The following HNRNPM variants were observed in gnomAD, a reference collection of about 807,000 sequenced individuals.
HNRNPM encodes heterogeneous nuclear ribonucleoprotein M.
Under a neutral mutation model 73.1 loss-of-function variants are expected in HNRNPM, and 11 were observed. The observed-to-expected ratio is 0.15, with a 90% confidence interval of 0.09 to 0.25. The LOEUF (loss-of-function observed/expected upper bound fraction) is 0.25. Among genes scored for constraint, HNRNPM ranks in the 10% least tolerant of loss-of-function variants. HNRNPM has a pLI of 1.00. For missense variants in HNRNPM, 789 were observed against 1,067.9 expected (o/e 0.74, Z 3.64); for synonymous variants, 407 against 355.2 (o/e 1.15, Z -1.64).
In HNRNPM at chr19:8,482,992, C is replaced by T; in HGVS notation, c.1121-166C>T. On this transcript the variant is annotated intron_variant, in intron 12 of 15. Coordinates refer to ENST00000325495, the MANE Select transcript of HNRNPM (RefSeq NM_005968.5). ...TCGTGACCCAGCATCAAGGACTCTC[C>T]TAGTTCTCTGTAAAATGATCTTGTC... 3 of 596,908 alleles carry T rather than the reference C, an allele frequency of 5.0e-6. 1 individual carries two copies. Among genetic ancestry groups the T allele is most frequent in the South Asian group, 4.2e-5 (2 of 47,272 alleles). 37.0% of individuals were successfully genotyped at this position (596,908 alleles called of 1,614,324 possible).
intron 6 of HNRNPM, 144 bp from the exon 7 acceptor site, chr19:8,466,091 A>C: frequency 1.3e-6 from 1 of 741,976 alleles, no homozygotes; most frequent in East Asian, 2.6e-5. Context: ...CCTATTTTAA[A>C]ATTTCCATTG....
chr19:8,479,108 CAG>C (rs1301899385), intron 12 of HNRNPM, among the ~76,000 whole-genome samples: 2 of 91,588 alleles, frequency 2.2e-5, no homozygotes, highest in African/African-American at 8.1e-5. Flanking sequence ...TTTTTCAAGA[CAG>C]AGTCTCGCTT....
rs113119250 is a variant in HNRNPM at position 8,444,986 on chromosome 19, A to G, written c.-13A>G. On this transcript the variant is annotated 5_prime_UTR_variant, in exon 1 of 16. Transcript: ENST00000325495. ...CAGCCCGTTCGCTCACACAAAGCCC[A>G]GACGCGGAGAAAATGGCGGCAGGGG... is the stretch of plus-strand genomic sequence containing the variant. 2.3e-3 allele frequency: 3,242 copies of G among 1,402,240 alleles called. 5 individuals are homozygous for G. Among genetic ancestry groups the G allele is most frequent in the Non-Finnish European group, 2.8e-3 (3,053 of 1,078,212 alleles). The allele number at this position is 1,402,240 out of a possible 1,614,324, so 86.9% of individuals were successfully genotyped here. A position where few individuals can be genotyped will look rare whatever the true frequency, so the allele number is the denominator to read the frequency against.
At chr19:8,476,108 C>T (rs1332953126) in intron 12 of HNRNPM, among the ~76,000 whole-genome samples, 5 of 151,912 alleles carry the variant, frequency 3.3e-5, no homozygotes, top group Non-Finnish European at 7.4e-5. Context: ...CTGGGGTACG[C>T]GGTGGCAAAG....
At chr19:8,456,324 CCTT>C (rs990749598) in intron 2 of HNRNPM, among the ~76,000 whole-genome samples, 4 of 152,306 alleles carry the variant, frequency 2.6e-5, no homozygotes, top group South Asian at 2.1e-4. Flanking sequence ...CTCTCTCTCT[CCTT>C]CTTCCCTCCT....
chr19:8,474,150 G>A lies in HNRNPM; in HGVS notation c.1043-17G>A, dbSNP rs1430628737. The A allele has an allele frequency of 1.3e-6, 2 of 1,568,212 alleles. No individual in the cohort carries two copies. Among genetic ancestry groups the A allele is most frequent in the Non-Finnish European group, 8.6e-7 (1 of 1,158,696 alleles). ...CAGTCTTGTTGGATGATGCTGAAAT[G>A]TGAACCTCTCTTGCAGGAATGGAGG... is the stretch of plus-strand genomic sequence containing the variant. On this transcript the variant is annotated splice_polypyrimidine_tract_variant and intron_variant, in intron 11 of 15. Coordinates refer to ENST00000325495, the MANE Select transcript of HNRNPM (RefSeq NM_005968.5).
At chr19:8,465,590 G>C in intron 6 of HNRNPM, 75 bp downstream of exon 6, 3 of 963,908 alleles carry the variant, frequency 3.1e-6, no homozygotes, top group Non-Finnish European at 4.6e-6. Flanking sequence ...TGTTATAAAA[G>C]TAATTCTCAC....
intron 8 of HNRNPM, among the ~76,000 whole-genome samples, chr19:8,468,222 G>A (rs1405415985): frequency 6.6e-6 from 1 of 152,120 alleles, no homozygotes; most frequent in African/African-American, 2.4e-5. Flanking sequence ...ACAGTATAAT[G>A]TTTGGTTAGC....
intron 15 of HNRNPM, chr19:8,487,357 TC>T (rs1971387188): frequency 5.0e-6 from 2 of 400,988 alleles, no homozygotes; most frequent in Non-Finnish European, 9.3e-6. Flanking sequence ...GGCAGAGTCT[TC>T]CTTCTGAGGT....
In HNRNPM at chr19:8,485,758, A is replaced by G. The variant is rs765182577; in HGVS notation, c.1330A>G (p.Met444Val). Residue 444 changes from methionine to valine, a missense_variant, in exon 14 of 16, where the codon ATG (methionine) becomes GTG (valine). Around this residue, in one of 4 missense-constraint regions of HNRNPM, gnomAD observed 604 missense variants for 744.0 expected, o/e 0.81. Transcript: ENST00000325495. The stretch of plus-strand genomic sequence containing the variant: ...GCGCATGGGCCTGGTCATGGACCGC[A>G]TGGGCTCCGTGGAGCGCATGGGCTC... ...IERMGLVMDR[M>V]GSVERMGSGI... is the part of the protein sequence containing the mutation. 1.2e-6 allele frequency: 2 copies of G among 1,604,108 alleles called. No individual in the cohort carries two copies. Among genetic ancestry groups the G allele is most frequent in the South Asian group, 1.1e-5 (1 of 90,974 alleles).
chr19:8,478,088 G>A (rs1415739401), intron 12 of HNRNPM, among the ~76,000 whole-genome samples: 4 of 152,200 alleles, frequency 2.6e-5, no homozygotes, highest in Non-Finnish European at 4.4e-5. Flanking sequence ...GTTTGATTTA[G>A]CTGCACTGCA....
intron 12 of HNRNPM, among the ~76,000 whole-genome samples, chr19:8,476,896 C>T (rs930147069): frequency 3.3e-5 from 5 of 150,268 alleles, no homozygotes; most frequent in Admixed American, 6.6e-5. Flanking sequence ...CCACCACCAC[C>T]GACTCCTGGG....
intron 11 of HNRNPM, 57 bp downstream of exon 11, chr19:8,473,765 T>C (rs1599817937): frequency 9.5e-7 from 1 of 1,055,998 alleles, no homozygotes; most frequent in South Asian, 1.4e-5. Context: ...GTTTTCTCTC[T>C]TTCCTCTTTT....
Position 8,449,537 on chromosome 19 carries a change from CTTTT to C in HNRNPM, c.113+4439_113+4442del, listed in dbSNP as rs567300476. On this transcript the variant is annotated intron_variant, in intron 1 of 15. Transcript: ENST00000325495. Reference sequence around the variant, plus strand: ...TTGCCTCACTGTGTGCTAAGAGTCTCTTTTTTTTTTTTTTTTGAGACGGAGTCTC... The same window carrying C: ...TTGCCTCACTGTGTGCTAAGAGTCTCTTTTTTTTTTTTGAGACGGAGTCTC... 1.5e-4 allele frequency among the ~76,000 whole-genome samples: 4 copies of C among 26,208 alleles called. 1 individual carries two copies. Among genetic ancestry groups the C allele is most frequent in the African/African-American group, 1.9e-4 (4 of 21,416 alleles). 17.2% of individuals were successfully genotyped at this position (26,208 alleles called of 152,430 possible). A position where few individuals can be genotyped will look rare whatever the true frequency, so the allele number is the denominator to read the frequency against.
chr19:8,469,990 A>G (rs1599802477), intron 9 of HNRNPM, among the ~76,000 whole-genome samples: 1 of 152,280 alleles, frequency 6.6e-6, no homozygotes, highest in African/African-American at 2.4e-5. Context: ...TTTCCTGGAC[A>G]TAACATACTC....
chr19:8,465,850 G>A (rs1219766407), intron 6 of HNRNPM, among the ~76,000 whole-genome samples: 3 of 152,130 alleles, frequency 2.0e-5, no homozygotes, highest in Non-Finnish European at 4.4e-5. Context: ...TCCTCTTGTT[G>A]TGTCTGGGGT....
chr19:8,487,266 T>C, intron 15 of HNRNPM, 191 bp downstream of exon 15: 1 of 634,752 alleles, frequency 1.6e-6, no homozygotes, highest in Non-Finnish European at 2.9e-6. Flanking sequence ...TTCAGCTGTG[T>C]TCTCATTTCA....
intron 2 of HNRNPM, among the ~76,000 whole-genome samples, chr19:8,460,094 CCT>C (rs1316618977): frequency 6.6e-6 from 1 of 152,128 alleles, no homozygotes; most frequent in African/African-American, 2.4e-5. Context: ...CACCTCTACC[CCT>C]GAGTCCTGAC....
At chr19:8,459,721 A>G (rs960567396) in intron 2 of HNRNPM, among the ~76,000 whole-genome samples, 5 of 152,204 alleles carry the variant, frequency 3.3e-5, no homozygotes, top group Non-Finnish European at 7.3e-5. Flanking sequence ...AGGTCTGTGC[A>G]GGAGAGTGAG....
Sources: allele counts gnomAD v4.1 joint callset (sites outside exome capture counted in the v4.1 genomes callset), GRCh38; gene constraint gnomAD v4.1.1; regional missense constraint gnomAD v4.1.1; transcripts MANE v1.5; gene names NCBI Gene and HGNC (gene_info 2026-07-23, HGNC 2026-07-21).